The following CSMD2 variants were observed in gnomAD, a reference collection of about 807,000 sequenced individuals.
The protein encoded by CSMD2 is CUB and sushi domain-containing protein 2.
In CSMD2, 130 loss-of-function variants were observed where a neutral mutation model predicts 398.5. The observed-to-expected ratio is 0.33, with a 90% CI of 0.28 to 0.38. The LOEUF is 0.38. CSMD2 is among the 10% of genes least tolerant of loss of function. CSMD2 has a pLI of 1.00. For missense variants in CSMD2, 3,829 were observed against 4,764.9 expected, an observed-to-expected ratio of 0.80 and a Z score of 5.78; for synonymous variants, 1,828 against 1,908.5, an observed-to-expected ratio of 0.96 and a Z score of 1.10.
At position 33,635,075 on chromosome 1, in the gene CSMD2, G is replaced by T; in HGVS notation, c.5086+139C>A. 2 of 604,974 alleles carry T rather than the reference G, an allele frequency of 3.3e-6. No homozygotes were observed. The highest frequency in any genetic ancestry group is 2.8e-4 in the Middle Eastern group (1 of 3,628). 37.5% of individuals were successfully genotyped at this position (604,974 alleles called of 1,614,324 possible). A position where few individuals can be genotyped will look rare whatever the true frequency, so the allele number is the denominator to read the frequency against. On this transcript the variant is annotated intron_variant, in intron 31 of 70. Transcript: ENST00000373381. This position sits in a 1 kb window ranked among gnomAD's most constrained non-coding sequence, Gnocchi z 5.0. Reference sequence around the variant, plus strand: ...GCCCGTTTGAGAAACGTCAGCACTCGGCCGTCCTTTTGGGGAGACTGTTCT... The same window carrying T: ...GCCCGTTTGAGAAACGTCAGCACTCTGCCGTCCTTTTGGGGAGACTGTTCT...
At chr1:34,128,786 C>G (rs1663014399) in intron 1 of CSMD2, among the ~76,000 whole-genome samples, 2 of 152,092 alleles carry the variant, frequency 1.3e-5, no homozygotes, top group African/African-American at 4.8e-5. Flanking sequence ...GGGGCGTCGT[C>G]CCTAAACTCT....
At chr1:33,818,026 C>T (rs1657672359) in intron 9 of CSMD2, among the ~76,000 whole-genome samples, 1 of 152,192 alleles carries the variant, frequency 6.6e-6, no homozygotes, top group African/African-American at 2.4e-5. Context: ...AGCCCTTCTC[C>T]ACCCTTGGCA....
intron 46 of CSMD2, among the ~76,000 whole-genome samples, chr1:33,586,015 G>T (rs191595712): frequency 3.2e-4 from 49 of 152,278 alleles, no homozygotes; most frequent in Non-Finnish European, 5.9e-4. Flanking sequence ...ACTATTTTTT[G>T]ATCTTAATTG....
At position 33,521,427 on chromosome 1, in the gene CSMD2, C is replaced by T. The variant is rs202198885; in HGVS notation, c.10597+36G>A. On this transcript the variant is annotated intron_variant, in intron 68 of 70. Coordinates refer to ENST00000373381, the MANE Select transcript of CSMD2 (RefSeq NM_001281956.2). ...CACACACGGTTTCTCTCCCACCCAC[C>T]CGGGCCCACACTTCCGGGGGACAAG... 154 of 1,155,224 alleles carry T rather than the reference C, an allele frequency of 1.3e-4. 1 individual carries two copies. In the East Asian group the frequency reaches 1.7e-3, roughly 13 times the overall value. The allele number at this position is 1,155,224 out of a possible 1,614,324, so 71.6% of individuals were successfully genotyped here. A position where few individuals can be genotyped will look rare whatever the true frequency, so the allele number is the denominator to read the frequency against.
At chr1:33,871,672 A>G (rs1640476190) in intron 5 of CSMD2, among the ~76,000 whole-genome samples, 2 of 152,146 alleles carry the variant, frequency 1.3e-5, no homozygotes, top group South Asian at 4.2e-4. Context: ...GCTGGAGTGT[A>G]GTAGCGTGAT....
intron 2 of CSMD2, among the ~76,000 whole-genome samples, chr1:34,065,410 A>C (rs918755776): frequency 3.9e-5 from 6 of 152,218 alleles, no homozygotes; most frequent in African/African-American, 1.2e-4. Flanking sequence ...GCAGTAAAAC[A>C]GTCCAGAAGC....
Position 33,524,941 on chromosome 1 carries a change from G to A in CSMD2, c.10337C>T (p.Ala3446Val), listed in dbSNP as rs1396987651. 4.3e-6 allele frequency: 7 copies of A among 1,614,078 alleles called. No homozygotes were observed. The highest frequency in any genetic ancestry group is 5.9e-6 in the Non-Finnish European group (7 of 1,180,052). ...CATGGTGGCATTGACCTTGCTGTTG[G>A]CAACTTGGAAGCCAGTCACTCTGAG... ...AMLRVTGFQVANSKVNATMID... is the reference protein window; with the variant it reads ...AMLRVTGFQVVNSKVNATMID... Residue 3446 changes from alanine to valine, a missense_variant, in exon 66 of 71, where the codon GCC becomes GTC. Transcript: ENST00000373381.
rs1211792251 is a variant in CSMD2 at position 33,636,369 on chromosome 1, C to T, written c.4960G>A (p.Val1654Ile). 1 of 1,607,050 alleles carries T rather than the reference C, an allele frequency of 6.2e-7. No homozygotes were observed. The highest frequency in any genetic ancestry group is 8.5e-7 in the Non-Finnish European group (1 of 1,176,646). Residue 1654 changes from valine (V) to isoleucine (I), a missense_variant, in exon 30 of 71, where the codon GTC (valine) becomes ATC (isoleucine). By Grantham distance (29) the Val-to-Ile change is conservative. Transcript: ENST00000373381. This position sits in a 1 kb window ranked among gnomAD's most constrained non-coding sequence, Gnocchi z 4.8. The part of the protein sequence containing the change: ...GKPVWNNPRP[V>I]CTAPCGGQYV... ...CCCAGGCTTCCACCACCTGTGCAGA[C>T]TGGCCGGGGATTGTTCCACACGGGC...
intron 9 of CSMD2, among the ~76,000 whole-genome samples, chr1:33,818,409 T>C (rs1465791028): frequency 6.6e-6 from 1 of 152,210 alleles, no homozygotes; most frequent in African/African-American, 2.4e-5. Context: ...GAGGATATTT[T>C]TTTTCTTCTA....
intron 21 of CSMD2, among the ~76,000 whole-genome samples, chr1:33,710,342 G>A (rs1185946074): frequency 2.6e-5 from 4 of 152,098 alleles, no homozygotes; most frequent in Admixed American, 1.3e-4. Context: ...GGGTCATGCT[G>A]GATGAATCTA....
At chr1:34,151,095 G>A (rs902434541) in intron 1 of CSMD2, among the ~76,000 whole-genome samples, 4 of 152,238 alleles carry the variant, frequency 2.6e-5, no homozygotes, top group Admixed American at 6.5e-5. Context: ...TCCTTCAACC[G>A]AATCCCTGCT....
intron 59 of CSMD2, 88 bp downstream of exon 59, chr1:33,541,042 C>A: frequency 8.0e-6 from 11 of 1,371,606 alleles, no homozygotes; most frequent in South Asian, 1.3e-5. Context: ...CCTTTCACCC[C>A]TCTCCCTTCT....
intron 13 of CSMD2, among the ~76,000 whole-genome samples, chr1:33,744,218 G>A (rs1647190296): frequency 6.6e-6 from 1 of 152,210 alleles, no homozygotes; most frequent in Non-Finnish European, 1.5e-5. Context: ...AAAGGACATT[G>A]CTTAATGACA....
intron 5 of CSMD2, among the ~76,000 whole-genome samples, chr1:33,859,764 A>G (rs760774378): frequency 2.6e-5 from 4 of 152,168 alleles, no homozygotes; most frequent in Non-Finnish European, 4.4e-5. Flanking sequence ...TGGCCTGAGC[A>G]CTGAGGGTTT....
At chr1:33,759,079 G>A (rs995219166) in intron 13 of CSMD2, among the ~76,000 whole-genome samples, 3 of 152,164 alleles carry the variant, frequency 2.0e-5, no homozygotes, top group Admixed American at 6.5e-5. Context: ...AAAAGGGTAT[G>A]AAGGAAATAA....
chr1:33,729,213 C>T (rs766239591), intron 15 of CSMD2, among the ~76,000 whole-genome samples: 3 of 152,174 alleles, frequency 2.0e-5, no homozygotes, highest in African/African-American at 7.2e-5. Flanking sequence ...TCAGTGCATA[C>T]ATATCAACGA....
In CSMD2 at chr1:34,008,139, T is replaced by A. The variant is rs552986148; in HGVS notation, c.517+24455A>T. Among the ~76,000 whole-genome samples the A allele has an allele frequency of 2.0e-5, 3 of 152,228 alleles. No homozygotes were observed. The South Asian group carries it at 6.2e-4, about 32-fold the overall frequency. Reference sequence around the variant, plus strand: ...ATCTGTCACTGGCTCCAACTCCAAGTGGGCACAGGTGAAAAATAAAACCAC... The same window carrying A: ...ATCTGTCACTGGCTCCAACTCCAAGAGGGCACAGGTGAAAAATAAAACCAC... On this transcript the variant is annotated intron_variant, in intron 3 of 70. Coordinates refer to ENST00000373381, the MANE Select transcript of CSMD2 (RefSeq NM_001281956.2).
rs551193473 is a variant in CSMD2, at chr1:33,613,418, C to T, written c.6133+1086G>A. Among the ~76,000 whole-genome samples the T allele has an allele frequency of 5.3e-5, 8 of 152,336 alleles. No homozygotes were observed. In the East Asian group the frequency reaches 1.5e-3, roughly 29 times the overall value. On this transcript the variant is annotated intron_variant, in intron 40 of 70. Coordinates refer to ENST00000373381, the MANE Select transcript of CSMD2 (RefSeq NM_001281956.2). ...TCTCAAAGTCTGGAGTCTCCTAAGA[C>T]TGCCGAGGGCGTCATCGCTTTGCTC...
chr1:33,724,029 T>C (rs745901773), intron 19 of CSMD2, among the ~76,000 whole-genome samples, 168 bp downstream of exon 19: 7 of 152,184 alleles, frequency 4.6e-5, no homozygotes, highest in Non-Finnish European at 1.0e-4. Flanking sequence ...AGTTCTACCA[T>C]TCAAAGGGAT....
Sources: allele counts gnomAD v4.1 joint callset (sites outside exome capture counted in the v4.1 genomes callset), GRCh38; gene constraint gnomAD v4.1.1; non-coding constraint Gnocchi (gnomAD v3.1); transcripts MANE v1.5; gene names NCBI Gene and HGNC (gene_info 2026-07-23, HGNC 2026-07-21).